ADAM23: variants seen among roughly 807,000 people sequenced by gnomAD.
ADAM23 encodes the protein disintegrin and metalloproteinase domain-containing protein 23.
Under a neutral mutation model 120.1 loss-of-function variants are expected in ADAM23, and 33 were observed. The ratio of observed to expected loss-of-function variants is 0.27; its 90% CI spans 0.21 to 0.37. The LOEUF is 0.37. Ranked by LOEUF, ADAM23 falls within the 10% of genes least tolerant of loss-of-function variation. The pLI is 1.00. For missense variants in ADAM23, 862 were observed against 1,058.2 expected (o/e 0.81, Z 2.57); for synonymous variants, 367 against 375.2 (o/e 0.98, Z 0.25).
rs991612910 is a variant in ADAM23, at chr2:206,618,237, G to A, written c.*610G>A. The A allele has an allele frequency of 2.0e-5, 3 of 151,890 alleles. No individual in the cohort carries two copies. Among genetic ancestry groups the A allele is most frequent in the African/African-American group, 7.3e-5 (3 of 41,300 alleles). The allele number at this position is 151,890 out of a possible 1,614,324, so 9.4% of individuals were successfully genotyped here. On this transcript the variant is annotated 3_prime_UTR_variant, in exon 26 of 26. Transcript: ENST00000264377. Reference sequence around the variant, plus strand: ...CATGTCCCCACACCCCATCCTCTCGGAGCCCCACTTCTTACCCCCCACCTC... The same window carrying A: ...CATGTCCCCACACCCCATCCTCTCGAAGCCCCACTTCTTACCCCCCACCTC...
chr2:206,486,004 G>C (rs998119164), intron 3 of ADAM23, among the ~76,000 whole-genome samples: 3 of 152,216 alleles, frequency 2.0e-5, no homozygotes, highest in African/African-American at 7.2e-5. Flanking sequence ...GAAGGGCAGA[G>C]GCCATTATGC....
chr2:206,533,920 G>GT (rs934860593), intron 4 of ADAM23, among the ~76,000 whole-genome samples: 142 of 152,256 alleles, frequency 9.3e-4, no homozygotes, highest in African/African-American at 3.2e-3. Flanking sequence ...AATAGCTTTT[G>GT]TTTAAGTTCC....
intron 4 of ADAM23, among the ~76,000 whole-genome samples, chr2:206,539,487 T>G (rs936167894): frequency 2.0e-5 from 3 of 152,178 alleles, no homozygotes; most frequent in Non-Finnish European, 1.5e-5. Flanking sequence ...AACCTGAAGA[T>G]GTGGGAATCA....
intron 3 of ADAM23, among the ~76,000 whole-genome samples, chr2:206,504,636 G>T (rs1268616510): frequency 1.3e-5 from 2 of 152,172 alleles, no homozygotes; most frequent in Non-Finnish European, 2.9e-5. Flanking sequence ...AATAACTTCA[G>T]AAATGTAGCT....
rs984735500 is a variant in ADAM23, at chr2:206,620,908, AC to A, written c.*3284del. The A allele has an allele frequency of 6.6e-6, 1 of 152,136 alleles. No homozygotes were observed. The highest frequency in any genetic ancestry group is 1.5e-5 in the Non-Finnish European group (1 of 68,020). The allele number at this position is 152,136 out of a possible 1,614,324, so 9.4% of individuals were successfully genotyped here. A position where few individuals can be genotyped will look rare whatever the true frequency, so the allele number is the denominator to read the frequency against. On this transcript the variant is annotated 3_prime_UTR_variant, in exon 26 of 26. Coordinates refer to ENST00000264377, the MANE Select transcript of ADAM23 (RefSeq NM_003812.4). ...GAAGAACTTTACAAACAATACTTGAACCCTTTCTTTAAAGTTATCCCATCAT... is the reference window on the plus strand; with the variant it reads ...GAAGAACTTTACAAACAATACTTGAACCTTTCTTTAAAGTTATCCCATCAT...
intron 3 of ADAM23, among the ~76,000 whole-genome samples, chr2:206,499,552 A>C (rs969750571): frequency 7.3e-5 from 11 of 151,656 alleles, no homozygotes; most frequent in African/African-American, 1.7e-4. Flanking sequence ...TGACGAGTTA[A>C]TGGGTGCAGC....
At chr2:206,511,755 G>A (rs1696627979) in intron 3 of ADAM23, among the ~76,000 whole-genome samples, 1 of 152,078 alleles carries the variant, frequency 6.6e-6, no homozygotes, top group South Asian at 2.1e-4. Flanking sequence ...GCTTGAAATT[G>A]GACTAATTTC....
At chr2:206,493,212 G>A (rs1432188951) in intron 3 of ADAM23, among the ~76,000 whole-genome samples, 1 of 152,024 alleles carries the variant, frequency 6.6e-6, no homozygotes, top group Non-Finnish European at 1.5e-5. Context: ...TTATAAATTA[G>A]AATCCCCAAA....
intron 2 of ADAM23, among the ~76,000 whole-genome samples, chr2:206,447,085 TG>T (rs1160533152): frequency 2.6e-5 from 4 of 152,210 alleles, no homozygotes; most frequent in African/African-American, 7.2e-5. Flanking sequence ...GAAATTTCAG[TG>T]GCACTTTTTA....
At chr2:206,596,332 T>C (rs1698524552) in intron 24 of ADAM23, among the ~76,000 whole-genome samples, 170 bp downstream of exon 24, 1 of 152,258 alleles carries the variant, frequency 6.6e-6, no homozygotes, top group African/African-American at 2.4e-5. Flanking sequence ...TGATATATCA[T>C]ATTTTTAAAA....
chr2:206,482,668 T>A (rs1695921437), intron 3 of ADAM23, among the ~76,000 whole-genome samples: 2 of 152,188 alleles, frequency 1.3e-5, no homozygotes, highest in Admixed American at 1.3e-4. Flanking sequence ...GCACCTATTA[T>A]GAGCAGTCCC....
Position 206,542,036 on chromosome 2 carries a change from G to GA in ADAM23, c.574-13dup. 5.6e-6 allele frequency: 9 copies of GA among 1,613,704 alleles called. No individual in the cohort carries two copies. Among genetic ancestry groups the GA allele is most frequent in the Non-Finnish European group, 7.6e-6 (9 of 1,179,690 alleles). Reference sequence around the variant, plus strand: ...AATGCATAAAATACAACCAATCAATGAAACCTGCTTTCCAGGGTGGAGAGC... The same window carrying GA: ...AATGCATAAAATACAACCAATCAATGAAAACCTGCTTTCCAGGGTGGAGAGC... On this transcript the variant is annotated splice_polypyrimidine_tract_variant and intron_variant, in intron 4 of 25. Transcript: ENST00000264377.
rs748649434 is a variant in ADAM23 at position 206,594,734 on chromosome 2, T to C, written c.2079-3T>C. Reference sequence around the variant, plus strand: ...AGTTATATGGGTATCTTTCTTGTTTTAGTGGTGCCCATGTAGTTTTAGATG... The same window carrying C: ...AGTTATATGGGTATCTTTCTTGTTTCAGTGGTGCCCATGTAGTTTTAGATG... On this transcript the variant is annotated splice_region_variant and splice_polypyrimidine_tract_variant and intron_variant, in intron 22 of 25. Coordinates refer to ENST00000264377, the MANE Select transcript of ADAM23 (RefSeq NM_003812.4). 2.5e-6 allele frequency: 4 copies of C among 1,614,072 alleles called. No individual in the cohort carries two copies. In the South Asian group the frequency reaches 3.3e-5, roughly 13 times the overall value.
intron 2 of ADAM23, among the ~76,000 whole-genome samples, chr2:206,473,984 C>T (rs1344600441): frequency 6.9e-6 from 1 of 145,744 alleles, no homozygotes; most frequent in Non-Finnish European, 1.5e-5. Context: ...TCCACACCAA[C>T]TTGGGCAACA....
chr2:206,546,322 G>A (rs1319043231), intron 6 of ADAM23, among the ~76,000 whole-genome samples: 1 of 152,094 alleles, frequency 6.6e-6, no homozygotes, highest in Non-Finnish European at 1.5e-5. Flanking sequence ...AGAGCTTACT[G>A]TAATTAATTT....
chr2:206,529,453 C>CA (rs1354340054), intron 3 of ADAM23, among the ~76,000 whole-genome samples: 1 of 152,074 alleles, frequency 6.6e-6, no homozygotes, highest in Non-Finnish European at 1.5e-5. Flanking sequence ...GGCTAGAGTG[C>CA]AGTGGTGCAA....
intron 1 of ADAM23, among the ~76,000 whole-genome samples, 176 bp from the exon 2 acceptor site, chr2:206,445,131 T>C (rs964239625): frequency 6.6e-6 from 1 of 152,234 alleles, no homozygotes; most frequent in Non-Finnish European, 1.5e-5. Flanking sequence ...GGCCATTTTA[T>C]TGTTGAAATA....
chr2:206,579,327 G>C (rs902719191), intron 18 of ADAM23, among the ~76,000 whole-genome samples: 4 of 152,096 alleles, frequency 2.6e-5, no homozygotes, highest in African/African-American at 7.2e-5. Flanking sequence ...TGTCTAGAAG[G>C]GTTTTTCAAT....
chr2:206,567,237 G>A lies in ADAM23; in HGVS notation c.1409G>A (p.Arg470Gln), dbSNP rs775680717. ...IMEETGVSHS[R>Q]KFSKCSILEY... ...TGTTTCCTCAGGGTGTCCCATTCTCGAAAATTTTCAAAGTGCAGCATTTTG... is the reference window on the plus strand; with the variant it reads ...TGTTTCCTCAGGGTGTCCCATTCTCAAAAATTTTCAAAGTGCAGCATTTTG... The change falls in exon 15 of 26, where the codon CGA becomes CAA. Residue 470 changes from arginine (R) to glutamine (Q), a missense_variant. Transcript: ENST00000264377. The A allele has an allele frequency of 9.3e-6, 15 of 1,613,024 alleles. No homozygotes were observed. The highest frequency in any genetic ancestry group is 2.2e-5 in the East Asian group (1 of 44,870).
Sources: gnomAD v4.1 joint callset for allele counts (sites outside exome capture counted in the v4.1 genomes callset) on GRCh38, gnomAD v4.1.1 for gene constraint, MANE v1.5 for transcripts, NCBI Gene and HGNC (gene_info 2026-07-23, HGNC 2026-07-21) for gene names.